PDE4B: variants seen among roughly 807,000 people sequenced by gnomAD.
PDE4B encodes the protein 3',5'-cyclic-AMP phosphodiesterase 4B.
In PDE4B, 20 loss-of-function variants were observed where a neutral mutation model predicts 82.2. The ratio of observed to expected loss-of-function variants is 0.24; its 90% CI spans 0.17 to 0.35. The LOEUF (loss-of-function observed/expected upper bound fraction) is 0.35, where lower values mean the gene tolerates loss of function less well. Among genes scored for constraint, PDE4B ranks in the 10% least tolerant of loss-of-function variants. The pLI, the probability that PDE4B is intolerant of heterozygous loss-of-function variation, is 1.00. For synonymous variants in PDE4B, 320 were observed against 318.9 expected, an observed-to-expected ratio of 1.00 and a Z score of -0.04; for missense variants, 655 against 907.2, an observed-to-expected ratio of 0.72 and a Z score of 3.57.
At chr1:66,265,117 G>C (rs988494127) in intron 6 of PDE4B, among the ~76,000 whole-genome samples, 91 of 152,128 alleles carry the variant, frequency 6.0e-4, no homozygotes, top group African/African-American at 2.1e-3. Context: ...GCACCACTTG[G>C]GAACTTTTTA....
intron 3 of PDE4B, among the ~76,000 whole-genome samples, chr1:66,024,757 T>G (rs1653343225): frequency 6.6e-6 from 1 of 152,104 alleles, no homozygotes; most frequent in South Asian, 2.1e-4. Flanking sequence ...GGTAAACTCT[T>G]GATATATAGG....
At chr1:66,266,914 A>G (rs1456482805) in intron 7 of PDE4B, 1 of 282,548 alleles carries the variant, frequency 3.5e-6, no homozygotes, top group Non-Finnish European at 7.1e-6. Flanking sequence ...AGATCACCTA[A>G]TGCCTGACAC....
At chr1:65,814,739 C>T (rs2101211994) in intron 1 of PDE4B, among the ~76,000 whole-genome samples, 2 of 152,044 alleles carry the variant, frequency 1.3e-5, no homozygotes, top group South Asian at 4.2e-4. Context: ...TCAAAGGATG[C>T]TTTTTTTCTT....
intron 3 of PDE4B, among the ~76,000 whole-genome samples, chr1:66,089,601 T>C (rs972315511): frequency 2.0e-5 from 3 of 152,176 alleles, no homozygotes; most frequent in Admixed American, 6.6e-5. Context: ...GGTTTTTTTT[T>C]CATAGGTATC....
At chr1:65,932,554 G>A (rs1329285132) in intron 3 of PDE4B, among the ~76,000 whole-genome samples, 1 of 151,898 alleles carries the variant, frequency 6.6e-6, no homozygotes, top group Non-Finnish European at 1.5e-5. Flanking sequence ...TACACAAAGA[G>A]TCAAGGAAAA....
At chr1:66,313,429 G>A (rs140804427) in intron 7 of PDE4B, among the ~76,000 whole-genome samples, 5 of 152,210 alleles carry the variant, frequency 3.3e-5, no homozygotes, top group South Asian at 2.1e-4. Context: ...TTTCTATTTC[G>A]TGGAGGGAAT....
chr1:65,886,487 T>G (rs764914134), intron 1 of PDE4B, among the ~76,000 whole-genome samples: 3 of 152,186 alleles, frequency 2.0e-5, no homozygotes, highest in Non-Finnish European at 4.4e-5. Context: ...TCCTTCTATC[T>G]AACTCTATGC....
At chr1:65,798,192 A>AT (rs1304849570) in intron 1 of PDE4B, among the ~76,000 whole-genome samples, 7 of 90,834 alleles carry the variant, frequency 7.7e-5, no homozygotes, top group South Asian at 3.5e-4. Flanking sequence ...TAATTTTTGT[A>AT]TTTTTTTTAG....
chr1:66,054,101 T>C (rs528528487), intron 3 of PDE4B, among the ~76,000 whole-genome samples: 4 of 152,262 alleles, frequency 2.6e-5, no homozygotes, highest in African/African-American at 9.6e-5. Context: ...GATCCAGGGT[T>C]TGAACCCTCA....
At chr1:66,256,464 T>C (rs1490078876) in intron 4 of PDE4B, among the ~76,000 whole-genome samples, 1 of 152,230 alleles carries the variant, frequency 6.6e-6, no homozygotes, top group Non-Finnish European at 1.5e-5. Context: ...TAATGCTTAC[T>C]CCTTGTCAGT....
At chr1:66,153,524 T>C (rs1646443992) in intron 3 of PDE4B, among the ~76,000 whole-genome samples, 1 of 152,172 alleles carries the variant, frequency 6.6e-6, no homozygotes, top group Non-Finnish European at 1.5e-5. Flanking sequence ...TTAATGTCTT[T>C]GTTCCCAAAA....
chr1:66,228,578 G>A (rs1157063204), intron 3 of PDE4B, among the ~76,000 whole-genome samples: 2 of 151,002 alleles, frequency 1.3e-5, no homozygotes, highest in Non-Finnish European at 2.9e-5. Flanking sequence ...GAGCTGAGCT[G>A]AGATCGCGCC....
Position 66,104,766 on chromosome 1 carries a change from G to C in PDE4B, c.282-142694G>C, listed in dbSNP as rs1470625873. ...TGAGAAGTGTCTGTTCATGTCCTTC[G>C]CCCACTTTTTGATGGGGTTGTTTGT... On this transcript the variant is annotated intron_variant, in intron 3 of 16. Coordinates refer to ENST00000341517, the MANE Select transcript of PDE4B (RefSeq NM_002600.4). Among the ~76,000 whole-genome samples, 35 of 149,112 alleles carry C rather than the reference G, an allele frequency of 2.3e-4. No individual in the cohort carries two copies. The Admixed American group carries it at 2.4e-3, about 10-fold the overall frequency.
At chr1:66,125,078 T>C (rs1278469238) in intron 3 of PDE4B, among the ~76,000 whole-genome samples, 1 of 151,794 alleles carries the variant, frequency 6.6e-6, no homozygotes, top group Admixed American at 6.6e-5. Context: ...AGACGGAGTC[T>C]CAATCTAGTC....
chr1:66,218,243 T>C (rs1360313040), intron 3 of PDE4B, among the ~76,000 whole-genome samples: 1 of 152,132 alleles, frequency 6.6e-6, no homozygotes, highest in Non-Finnish European at 1.5e-5. Context: ...TCCTAAGTGA[T>C]GTCGGCCGAT....
intron 3 of PDE4B, among the ~76,000 whole-genome samples, chr1:66,125,320 T>C (rs1306877920): frequency 6.6e-6 from 1 of 151,890 alleles, no homozygotes; most frequent in Non-Finnish European, 1.5e-5. Flanking sequence ...CCAGCCACCA[T>C]GCCCAGCTAG....
chr1:66,223,938 C>A (rs1290214920), intron 3 of PDE4B, among the ~76,000 whole-genome samples: 1 of 152,154 alleles, frequency 6.6e-6, no homozygotes, highest in Non-Finnish European at 1.5e-5. Context: ...TTTGTGATAA[C>A]TTCTACGTGC....
intron 1 of PDE4B, among the ~76,000 whole-genome samples, chr1:65,827,103 G>T (rs1399659896): frequency 6.6e-6 from 1 of 152,048 alleles, no homozygotes; most frequent in East Asian, 1.9e-4. Context: ...ATCAAAAACA[G>T]CCCAACACCT....
chr1:65,890,534 AT>A (rs1412039633), intron 1 of PDE4B, among the ~76,000 whole-genome samples: 3 of 152,038 alleles, frequency 2.0e-5, no homozygotes, highest in African/African-American at 7.2e-5. Flanking sequence ...TGAAGTATAC[AT>A]GTTCTTAATC....
Sources: allele counts gnomAD v4.1 joint callset (sites outside exome capture counted in the v4.1 genomes callset), GRCh38; gene constraint gnomAD v4.1.1; transcripts MANE v1.5; gene names NCBI Gene and HGNC (gene_info 2026-07-23, HGNC 2026-07-21).